Variants in ABCC9 observed in about 807,000 individuals in gnomAD.
ABCC9 encodes the protein ATP binding cassette subfamily C member 9.
A neutral mutation model predicts 188.3 loss-of-function variants in ABCC9; 95 were observed. That is an observed-to-expected ratio of 0.50 (90% confidence interval 0.43 to 0.60). The LOEUF is 0.60. Among genes scored for constraint, ABCC9 ranks in the 20% least tolerant of loss-of-function variants. The probability of loss-of-function intolerance (pLI) is 0.00; values close to 1 mark genes in which losing one functional copy is unlikely to be tolerated. For synonymous variants in ABCC9, 659 were observed against 652.7 expected (o/e 1.01, Z -0.15); for missense variants, 1,102 against 1,876.3 (o/e 0.59, Z 7.62).
intron 12 of ABCC9, among the ~76,000 whole-genome samples, chr12:21,895,957 T>C (rs1296953283): frequency 1.3e-5 from 2 of 152,116 alleles, no homozygotes; most frequent in Non-Finnish European, 2.9e-5. Flanking sequence ...AAAGCCAAGT[T>C]GTTGATTTAT....
chr12:21,853,053 G>T (rs1013070897), intron 22 of ABCC9, among the ~76,000 whole-genome samples: 2 of 152,150 alleles, frequency 1.3e-5, no homozygotes, highest in African/African-American at 2.4e-5. Context: ...GGTGGCTCAC[G>T]TCTGTAATCC....
intron 39 of ABCC9, among the ~76,000 whole-genome samples, chr12:21,803,552 G>T (rs964455686): frequency 1.4e-4 from 21 of 151,710 alleles, no homozygotes; most frequent in Non-Finnish European, 2.5e-4. Flanking sequence ...CTACTCGGGA[G>T]GCTGAGACAG....
chr12:21,929,191 AG>A (rs1949173645), intron 4 of ABCC9, among the ~76,000 whole-genome samples: 1 of 152,062 alleles, frequency 6.6e-6, no homozygotes. Flanking sequence ...TCTCCTACAA[AG>A]TGTATATATT....
chr12:21,870,182 T>A (rs1763818472), intron 18 of ABCC9, among the ~76,000 whole-genome samples: 1 of 152,188 alleles, frequency 6.6e-6, no homozygotes, highest in African/African-American at 2.4e-5. Context: ...GAATAAATTT[T>A]AGGAATATTG....
chr12:21,906,457 T>A (rs535647394), intron 11 of ABCC9, among the ~76,000 whole-genome samples, 169 bp from the exon 12 acceptor site: 1 of 152,104 alleles, frequency 6.6e-6, no homozygotes, highest in African/African-American at 2.4e-5. Flanking sequence ...TTGTGCTTCA[T>A]GAAATAAAGA....
rs1315313456 is a variant in ABCC9 at position 21,915,387 on chromosome 12, TGTGTATATATGTATGTGTATATAGACAC to T, written c.816+253_816+280del. On this transcript the variant is annotated intron_variant, in intron 7 of 39. Coordinates refer to ENST00000261200, the MANE Select transcript of ABCC9 (RefSeq NM_020297.4). ...GTATATATGTGTGTATATATAGACA[TGTGTATATATGTATGTGTATATAGACAC>T]GTGTATATATGTGTGTATATATGTG... Among the ~76,000 whole-genome samples the T allele has an allele frequency of 3.5e-4, 51 of 143,952 alleles. 2 individuals are homozygous for T. The highest frequency in any genetic ancestry group is 7.1e-4 in the Non-Finnish European group (47 of 66,230). The allele number at this position is 143,952 out of a possible 152,430, so 94.4% of individuals were successfully genotyped here. A position where few individuals can be genotyped will look rare whatever the true frequency, so the allele number is the denominator to read the frequency against.
At chr12:21,821,000 G>A (rs2137217956) in intron 31 of ABCC9, among the ~76,000 whole-genome samples, 1 of 152,264 alleles carries the variant, frequency 6.6e-6, no homozygotes, top group South Asian at 2.1e-4. Flanking sequence ...TAGGAATAAT[G>A]CTAAATACAT....
intron 28 of ABCC9, 152 bp downstream of exon 28, chr12:21,844,331 T>C: frequency 3.1e-6 from 2 of 648,662 alleles, no homozygotes; most frequent in Admixed American, 5.2e-5. Context: ...ATTCTAGATA[T>C]CATTTGCATG....
rs1352778611 is a variant in ABCC9, at chr12:21,845,801, G to C, written c.2898C>G (p.Asn966Lys). ...TCCTGAGCCTCATTACAGTGGACAT[G>C]TTATCATCCTCATCTTCCTCCTCTT... ...EEEEEEDEDD[N>K]MSTVMRLRTK... The change falls in exon 26 of 40, where the codon AAC becomes AAG. Residue 966 changes from asparagine to lysine, a missense_variant. Around this residue, in one of 12 missense-constraint regions of ABCC9, gnomAD observed 131 missense variants for 170.2 expected, o/e 0.77. Transcript: ENST00000261200. The C allele has an allele frequency of 1.2e-6, 2 of 1,613,526 alleles. No individual in the cohort carries two copies. Among genetic ancestry groups the C allele is most frequent in the East Asian group, 4.5e-5 (2 of 44,892 alleles).
intron 12 of ABCC9, among the ~76,000 whole-genome samples, chr12:21,899,958 A>G (rs1232966032): frequency 6.6e-6 from 1 of 152,142 alleles, no homozygotes; most frequent in African/African-American, 2.4e-5. Flanking sequence ...CTTTGAAGAG[A>G]GTAGTGGTTC....
chr12:21,876,271 T>C (rs1340625561), intron 16 of ABCC9, among the ~76,000 whole-genome samples: 1 of 152,218 alleles, frequency 6.6e-6, no homozygotes, highest in African/African-American at 2.4e-5. Context: ...AGTTTACATA[T>C]GGACATTCTT....
At position 21,916,866 on chromosome 12, in the gene ABCC9, C is replaced by G. The variant is rs1948620046; in HGVS notation, c.573+71G>C. 11 of 1,402,720 alleles carry G rather than the reference C, an allele frequency of 7.8e-6. No homozygotes were observed. In the South Asian group the frequency reaches 1.6e-4, roughly 21 times the overall value. The allele number at this position is 1,402,720 out of a possible 1,614,324, so 86.9% of individuals were successfully genotyped here. On this transcript the variant is annotated intron_variant, in intron 6 of 39. Coordinates refer to ENST00000261200, the MANE Select transcript of ABCC9 (RefSeq NM_020297.4). ...TCATCCTTGTCAATACTAATGATTT[C>G]TAGCTAACTGTAATCTTTCATATTG... is the stretch of plus-strand genomic sequence containing the variant.
chr12:21,887,168 G>A (rs1000286404), intron 15 of ABCC9, among the ~76,000 whole-genome samples: 6 of 152,070 alleles, frequency 3.9e-5, no homozygotes, highest in African/African-American at 1.4e-4. Context: ...TTTAAATAAA[G>A]CTTATTCATA....
intron 16 of ABCC9, among the ~76,000 whole-genome samples, chr12:21,881,413 T>G (rs1315757861): frequency 6.6e-6 from 1 of 152,204 alleles, no homozygotes; most frequent in Non-Finnish European, 1.5e-5. Context: ...AGCAGCTATT[T>G]TTCTTAATGC....
At chr12:21,887,778 G>C in intron 15 of ABCC9, 48 bp downstream of exon 15, 1 of 1,177,156 alleles carries the variant, frequency 8.5e-7, no homozygotes, top group Non-Finnish European at 1.3e-6. Context: ...CCATTCTGCT[G>C]AGACTGTCCT....
Position 21,906,140 on chromosome 12 carries a change from T to C in ABCC9, c.1604A>G (p.Tyr535Cys). The change falls in exon 12 of 40, where the codon TAT (tyrosine) becomes TGT (cysteine). Residue 535 changes from tyrosine (Y) to cysteine (C), a missense_variant. Tyr to Cys is a radical substitution (Grantham distance 194). This residue lies in a region of ABCC9 where 258 missense variants were observed against 325.6 expected (regional missense o/e 0.79). Coordinates refer to ENST00000261200, the MANE Select transcript of ABCC9 (RefSeq NM_020297.4). ...ELSSLKTFAL[Y>C]TSLSIFMNAA... is the part of the protein sequence containing the mutation. ...CAGCAACTTACTGGAGAGTGATGTA[T>C]ATAGTGCAAAGGTTTTGAGACTAGA... The C allele has an allele frequency of 1.2e-6, 2 of 1,613,092 alleles. No homozygotes were observed. The highest frequency in any genetic ancestry group is 1.7e-6 in the Non-Finnish European group (2 of 1,179,208).
At chr12:21,839,892 GAT>G (rs1397907106) in intron 29 of ABCC9, among the ~76,000 whole-genome samples, 3 of 152,188 alleles carry the variant, frequency 2.0e-5, no homozygotes, top group East Asian at 3.9e-4. Flanking sequence ...GGGAGAGAAA[GAT>G]AGAAGGAAGT....
At chr12:21,887,169 C>T (rs531787100) in intron 15 of ABCC9, among the ~76,000 whole-genome samples, 4 of 152,108 alleles carry the variant, frequency 2.6e-5, no homozygotes, top group African/African-American at 9.7e-5. Flanking sequence ...TTAAATAAAG[C>T]TTATTCATAT....
chr12:21,878,878 T>C (rs1043279743), intron 16 of ABCC9, among the ~76,000 whole-genome samples: 1 of 152,140 alleles, frequency 6.6e-6, no homozygotes, highest in African/African-American at 2.4e-5. Context: ...CTCCTGCCTT[T>C]TACAAAATGC....
Sources: gnomAD v4.1 joint callset for allele counts (sites outside exome capture counted in the v4.1 genomes callset) on GRCh38, gnomAD v4.1.1 for gene constraint, gnomAD v4.1.1 regional missense constraint, MANE v1.5 for transcripts, NCBI Gene and HGNC (gene_info 2026-07-23, HGNC 2026-07-21) for gene names.